The following NOX4 variants were observed in gnomAD, a reference collection of about 807,000 sequenced individuals.
NOX4 encodes kidney oxidase-1.
In NOX4, 69 loss-of-function variants were observed where a neutral mutation model predicts 87.6. That is an observed-to-expected ratio of 0.79 (90% CI 0.65 to 0.96). NOX4 has a LOEUF of 0.96. NOX4 is among the 40% of genes least tolerant of loss of function. The pLI is 0.00. For synonymous variants in NOX4, 275 were observed against 238.2 expected (o/e 1.15, Z -1.42); for missense variants, 680 against 681.5 (o/e 1.00, Z 0.02).
intron 11 of NOX4, among the ~76,000 whole-genome samples, chr11:89,379,590 T>C (rs1940122436): frequency 6.6e-6 from 1 of 152,080 alleles, no homozygotes; most frequent in Non-Finnish European, 1.5e-5. Context: ...ACTCTAAGTG[T>C]CATCTCAAAA....
At chr11:89,331,613 G>T (rs189424463) in intron 17 of NOX4, among the ~76,000 whole-genome samples, 1 of 151,844 alleles carries the variant, frequency 6.6e-6, no homozygotes, top group African/African-American at 2.4e-5. Flanking sequence ...ATGGCAATAA[G>T]ATACCATTAT....
chr11:89,473,283 T>C (rs12295421), intron 2 of NOX4, among the ~76,000 whole-genome samples: 23,139 of 152,156 alleles, frequency 0.15, 2,431 homozygotes, highest in Non-Finnish European at 0.23. Context: ...GTCTCCTACA[T>C]CATGGGTTCA....
chr11:89,449,604 G>T, intron 3 of NOX4, 80 bp from the exon 4 acceptor site: 1 of 1,130,812 alleles, frequency 8.8e-7, no homozygotes, highest in Non-Finnish European at 1.3e-6. Context: ...TGTTCATTAT[G>T]TCAAAATTTT....
chr11:89,525,011 A>G, the NOX4 span, among the ~76,000 whole-genome samples: 10 of 152,198 alleles, frequency 6.6e-5, no homozygotes, highest in East Asian at 5.8e-4. Context: ...ACAAACTGTT[A>G]TGCAGATTAA....
upstream of NOX4, among the ~76,000 whole-genome samples, chr11:89,495,157 T>C (rs1946935215): frequency 6.6e-6 from 1 of 152,154 alleles, no homozygotes; most frequent in Non-Finnish European, 1.5e-5. Flanking sequence ...TTTTTGTTTT[T>C]GTAGAGACGA....
Position 89,460,572 on chromosome 11 carries a change from G to A in NOX4, c.154-8677C>T, listed in dbSNP as rs370415419. 7.2e-5 allele frequency among the ~76,000 whole-genome samples: 11 copies of A among 152,254 alleles called. No individual in the cohort carries two copies. In the East Asian group the frequency reaches 2.1e-3, roughly 29 times the overall value. On this transcript the variant is annotated intron_variant, in intron 2 of 17. Coordinates refer to ENST00000263317, the MANE Select transcript of NOX4 (RefSeq NM_016931.5). ...ACATGAAAAAATGTTCATCATCACT[G>A]GCCATCAGAGAAATGCAAATCAAAA...
At chr11:89,518,171 CAAGTA>C in the NOX4 span, among the ~76,000 whole-genome samples, 4 of 151,788 alleles carry the variant, frequency 2.6e-5, no homozygotes, top group African/African-American at 9.7e-5. Flanking sequence ...TAGTTAGTAA[CAAGTA>C]AAGAATAGAA....
intron 6 of NOX4, among the ~76,000 whole-genome samples, chr11:89,438,815 ATATTATATAATATC>A (rs1471513555): frequency 0.13 from 521 of 4,030 alleles, 23 homozygotes; most frequent in Non-Finnish European, 0.14. Context: ...TATATTATAT[ATATTATATAATATC>A]TTATATATTA....
chr11:89,515,422 C>A, the NOX4 span, among the ~76,000 whole-genome samples: 1 of 151,298 alleles, frequency 6.6e-6, no homozygotes, highest in African/African-American at 2.4e-5. Flanking sequence ...GTTAAAAAAT[C>A]TTCTTATTGC....
At chr11:89,558,264 T>C in the NOX4 span, among the ~76,000 whole-genome samples, 1 of 152,136 alleles carries the variant, frequency 6.6e-6, no homozygotes, top group Non-Finnish European at 1.5e-5. Context: ...TGGTCTCCTT[T>C]CTCCAACATG....
At chr11:89,343,237 A>G (rs970840651) in intron 13 of NOX4, among the ~76,000 whole-genome samples, 11 of 152,180 alleles carry the variant, frequency 7.2e-5, no homozygotes, top group African/African-American at 2.7e-4. Context: ...AGGGTCAATA[A>G]GTTGGGATGC....
At chr11:89,534,920 G>A in the NOX4 span, among the ~76,000 whole-genome samples, 1 of 152,162 alleles carries the variant, frequency 6.6e-6, no homozygotes, top group Non-Finnish European at 1.5e-5. Flanking sequence ...GATAACTATC[G>A]ATTCTGAGGA....
At chr11:89,428,313 A>G (rs1175248468) in intron 7 of NOX4, among the ~76,000 whole-genome samples, 2 of 152,228 alleles carry the variant, frequency 1.3e-5, no homozygotes, top group Non-Finnish European at 1.5e-5. Flanking sequence ...GCATCAACTA[A>G]TGAGCAAAAT....
At chr11:89,474,678 GACATAA>G (rs1183881041) in intron 2 of NOX4, among the ~76,000 whole-genome samples, 1 of 151,890 alleles carries the variant, frequency 6.6e-6, no homozygotes, top group Non-Finnish European at 1.5e-5. Flanking sequence ...TTGATATATA[GACATAA>G]ACATAAATGA....
intron 17 of NOX4, among the ~76,000 whole-genome samples, chr11:89,327,632 G>A (rs892526562): frequency 2.6e-5 from 4 of 151,990 alleles, no homozygotes; most frequent in African/African-American, 9.7e-5. Context: ...TTCTTCCTAG[G>A]ATGTCAAAAT....
At chr11:89,470,051 C>T (rs1050271029) in intron 2 of NOX4, among the ~76,000 whole-genome samples, 1 of 146,186 alleles carries the variant, frequency 6.8e-6, no homozygotes, top group African/African-American at 2.5e-5. Flanking sequence ...TTATCTCAGT[C>T]TCATTTTCCT....
At chr11:89,535,309 G>C in the NOX4 span, among the ~76,000 whole-genome samples, 2 of 152,138 alleles carry the variant, frequency 1.3e-5, no homozygotes, top group Non-Finnish European at 2.9e-5. Context: ...AACCCCATTT[G>C]GTGTTTAGTT....
chr11:89,459,738 G>C (rs1316535366), intron 2 of NOX4, among the ~76,000 whole-genome samples: 1 of 152,064 alleles, frequency 6.6e-6, no homozygotes, highest in Non-Finnish European at 1.5e-5. Context: ...TACTGCCCAA[G>C]GTAATTTACA....
the NOX4 span, among the ~76,000 whole-genome samples, chr11:89,541,819 C>T: frequency 6.6e-6 from 1 of 152,036 alleles, no homozygotes; most frequent in Non-Finnish European, 1.5e-5. Flanking sequence ...TTATACTATT[C>T]ATTTATTTCT....
Sources: allele counts gnomAD v4.1 joint callset (sites outside exome capture counted in the v4.1 genomes callset), GRCh38; gene constraint gnomAD v4.1.1; transcripts MANE v1.5; gene names NCBI Gene and HGNC (gene_info 2026-07-23, HGNC 2026-07-21).